Variants in EPHA6 observed in about 807,000 individuals in gnomAD.
The protein encoded by EPHA6 is EPH receptor A6, also known as ephrin type-A receptor 6.
In EPHA6, 50 loss-of-function variants were observed where a neutral mutation model predicts 112.0. That is an observed-to-expected ratio of 0.45 (90% CI 0.36 to 0.56). The LOEUF (loss-of-function observed/expected upper bound fraction) is 0.56. Among genes scored for constraint, EPHA6 ranks in the 20% least tolerant of loss-of-function variants. The pLI, the probability that EPHA6 is intolerant of heterozygous loss-of-function variation, is 0.00. For synonymous variants in EPHA6, 529 were observed against 490.7 expected, an observed-to-expected ratio of 1.08 and a Z score of -1.03; for missense variants, 1,280 against 1,417.4, an observed-to-expected ratio of 0.90 and a Z score of 1.56.
At chr3:96,815,736 A>G (rs1478982856) in intron 1 of EPHA6, among the ~76,000 whole-genome samples, 2 of 152,208 alleles carry the variant, frequency 1.3e-5, no homozygotes, top group African/African-American at 4.8e-5. Flanking sequence ...GTGGTTAAAA[A>G]GTGATGGAAA....
In EPHA6 at chr3:96,985,003, G is replaced by T. The variant is rs995053965; in HGVS notation, c.451-2327G>T. 4.6e-5 allele frequency among the ~76,000 whole-genome samples: 7 copies of T among 152,226 alleles called. No homozygotes were observed. In the East Asian group the frequency reaches 1.4e-3, roughly 29 times the overall value. ...CCCTGACCCCTTGCGCTTCCTGGGTGAGGCGATGCTTCGCCCTGCTTTGGC... is the reference window on the plus strand; with the variant it reads ...CCCTGACCCCTTGCGCTTCCTGGGTTAGGCGATGCTTCGCCCTGCTTTGGC... On this transcript the variant is annotated intron_variant, in intron 2 of 17. Coordinates refer to ENST00000389672, the MANE Select transcript of EPHA6 (RefSeq NM_001080448.3).
intron 14 of EPHA6, among the ~76,000 whole-genome samples, chr3:97,709,533 G>A (rs1391562801): frequency 6.6e-6 from 1 of 152,208 alleles, no homozygotes. Flanking sequence ...TTTGGATTTG[G>A]ACTTTTCAGT....
chr3:97,655,220 C>A (rs1447647696), intron 14 of EPHA6, among the ~76,000 whole-genome samples: 1 of 151,160 alleles, frequency 6.6e-6, no homozygotes, highest in Non-Finnish European at 1.5e-5. Context: ...AAATGATTTA[C>A]ACAAGTCACA....
intron 12 of EPHA6, among the ~76,000 whole-genome samples, chr3:97,596,863 A>G (rs1360125112): frequency 1.1e-5 from 1 of 92,492 alleles, no homozygotes; most frequent in African/African-American, 4.3e-5. Context: ...ACAATTCCAT[A>G]TATATCTATG....
intron 9 of EPHA6, among the ~76,000 whole-genome samples, chr3:97,483,178 T>G (rs1308206229): frequency 6.6e-6 from 1 of 152,208 alleles, no homozygotes; most frequent in Non-Finnish European, 1.5e-5. Flanking sequence ...TACTCACAAA[T>G]GGACATACAA....
At chr3:97,378,567 AAGC>A in intron 5 of EPHA6, among the ~76,000 whole-genome samples, 1 of 152,138 alleles carries the variant, frequency 6.6e-6, no homozygotes, top group South Asian at 2.1e-4. Context: ...CAGCCCATGA[AAGC>A]AGCCAGAAGG....
chr3:97,039,153 A>G (rs1468457456), intron 3 of EPHA6, among the ~76,000 whole-genome samples: 4 of 152,042 alleles, frequency 2.6e-5, no homozygotes, highest in Non-Finnish European at 5.9e-5. Context: ...GGATGTGCTC[A>G]GTTAGGGAGG....
chr3:97,501,501 A>G (rs956340718), intron 10 of EPHA6, among the ~76,000 whole-genome samples: 30 of 152,150 alleles, frequency 2.0e-4, no homozygotes, highest in African/African-American at 7.2e-4. Context: ...TAAATAATAG[A>G]ACAGTAACTT....
chr3:96,985,596 C>A (rs971682406), intron 2 of EPHA6, among the ~76,000 whole-genome samples: 1 of 151,898 alleles, frequency 6.6e-6, no homozygotes, highest in Admixed American at 6.6e-5. Flanking sequence ...TTTTGAATCA[C>A]CCCTGGTAAA....
intron 3 of EPHA6, among the ~76,000 whole-genome samples, chr3:97,050,822 A>T (rs2045662488): frequency 6.6e-6 from 1 of 152,190 alleles, no homozygotes; most frequent in Non-Finnish European, 1.5e-5. Flanking sequence ...CTACCTAGGT[A>T]GAGAAGTTTA....
At chr3:96,957,639 A>G (rs1243434445) in intron 2 of EPHA6, among the ~76,000 whole-genome samples, 2 of 152,220 alleles carry the variant, frequency 1.3e-5, no homozygotes, top group Non-Finnish European at 2.9e-5. Context: ...ATCAACTCAC[A>G]TTGGAGTTCT....
intron 14 of EPHA6, among the ~76,000 whole-genome samples, chr3:97,655,232 G>A (rs1245312703): frequency 1.3e-5 from 2 of 151,190 alleles, no homozygotes; most frequent in East Asian, 1.9e-4. Context: ...CAAGTCACAC[G>A]GCTATTCCAT....
Position 97,394,973 on chromosome 3 carries a change from T to TGG in EPHA6, c.1607-10176_1607-10175insGG, listed in dbSNP as rs538578970. Among the ~76,000 whole-genome samples, 3 of 151,818 alleles carry TGG rather than the reference T, an allele frequency of 2.0e-5. No homozygotes were observed. The South Asian group carries it at 6.2e-4, about 31-fold the overall frequency. ...ATAATCCAGGCTAATTCCCCACCTC[T>TGG]GAATTTTTAACTTAATAAAAACCGC... On this transcript the variant is annotated intron_variant, in intron 5 of 17. Coordinates refer to ENST00000389672, the MANE Select transcript of EPHA6 (RefSeq NM_001080448.3).
chr3:97,626,204 C>T (rs1041233662), intron 13 of EPHA6, among the ~76,000 whole-genome samples: 3 of 151,754 alleles, frequency 2.0e-5, no homozygotes, highest in African/African-American at 7.3e-5. Context: ...ATGTAAGTAT[C>T]CAGGAGAGAT....
chr3:97,186,483 T>A lies in EPHA6; in HGVS notation c.1115-39781T>A, dbSNP rs556786638. ...CTCAACTTAACTGCCAGTACCTTGATCTTATCAAGCTTCTTGGGAAAGCCA... is the reference window on the plus strand; with the variant it reads ...CTCAACTTAACTGCCAGTACCTTGAACTTATCAAGCTTCTTGGGAAAGCCA... On this transcript the variant is annotated intron_variant, in intron 3 of 17. Coordinates refer to ENST00000389672, the MANE Select transcript of EPHA6 (RefSeq NM_001080448.3). 2.6e-5 allele frequency among the ~76,000 whole-genome samples: 4 copies of A among 152,298 alleles called. No homozygotes were observed. In the South Asian group the frequency reaches 6.2e-4, roughly 24 times the overall value.
intron 3 of EPHA6, among the ~76,000 whole-genome samples, chr3:97,031,708 A>G (rs1220178173): frequency 1.3e-5 from 2 of 152,186 alleles, no homozygotes; most frequent in African/African-American, 4.8e-5. Flanking sequence ...GCTCATCATC[A>G]CTGGCCATCA....
chr3:97,305,395 C>A (rs749443008), intron 5 of EPHA6, among the ~76,000 whole-genome samples: 4 of 151,920 alleles, frequency 2.6e-5, no homozygotes, highest in African/African-American at 4.8e-5. Context: ...ATAAATTATT[C>A]TATTATAAAG....
chr3:97,584,947 G>A (rs2093474714), intron 11 of EPHA6, among the ~76,000 whole-genome samples: 1 of 152,174 alleles, frequency 6.6e-6, no homozygotes, highest in African/African-American at 2.4e-5. Context: ...TTAGTGAATG[G>A]TAGAGTCAGA....
chr3:97,483,879 T>A (rs1041886564), intron 9 of EPHA6, 55 bp from the exon 10 acceptor site: 1 of 1,532,254 alleles, frequency 6.5e-7, no homozygotes, highest in Non-Finnish European at 8.8e-7. Context: ...GTTCACAAGA[T>A]ATAGACCACT....
Sources: allele counts gnomAD v4.1 joint callset (sites outside exome capture counted in the v4.1 genomes callset), GRCh38; gene constraint gnomAD v4.1.1; transcripts MANE v1.5; gene names NCBI Gene and HGNC (gene_info 2026-07-23, HGNC 2026-07-21).